The following MYO1D variants were observed in gnomAD, a reference collection of about 807,000 sequenced individuals.
MYO1D encodes myosin ID.
MYO1D carries 83 observed loss-of-function variants against 122.0 expected under a neutral mutation model. The ratio of observed to expected loss-of-function variants is 0.68; its 90% CI spans 0.57 to 0.82. The LOEUF is 0.82. MYO1D is among the 40% of genes least tolerant of loss of function. The pLI, the probability that MYO1D is intolerant of heterozygous loss-of-function variation, is 0.00. For missense variants in MYO1D, 1,157 were observed against 1,269.5 expected (o/e 0.91, Z 1.35); for synonymous variants, 464 against 446.9 (o/e 1.04, Z -0.48).
chr17:32,554,330 G>T (rs2087049350), intron 21 of MYO1D, among the ~76,000 whole-genome samples: 1 of 152,140 alleles, frequency 6.6e-6, no homozygotes, highest in African/African-American at 2.4e-5. Context: ...GCCATGGCCA[G>T]ATCCCTCTTG....
chr17:32,672,829 T>C (rs564875808), intron 16 of MYO1D, among the ~76,000 whole-genome samples: 3 of 152,116 alleles, frequency 2.0e-5, no homozygotes, highest in South Asian at 2.1e-4. Flanking sequence ...ATTGTGCTGA[T>C]TGTTAATAGG....
intron 21 of MYO1D, among the ~76,000 whole-genome samples, chr17:32,600,953 C>CTTTT (rs59778193): frequency 2.8e-5 from 4 of 141,644 alleles, no homozygotes; most frequent in Non-Finnish European, 4.6e-5. Flanking sequence ...TTTCTTTTCC[C>CTTTT]TTTTTTTTTT....
chr17:32,764,581 T>A (rs539009163), intron 8 of MYO1D, among the ~76,000 whole-genome samples: 6 of 152,128 alleles, frequency 3.9e-5, no homozygotes, highest in South Asian at 2.1e-4. Context: ...TTAAAAAAAA[T>A]GGATCAGAGC....
chr17:32,557,310 G>C (rs2150888016), intron 21 of MYO1D, among the ~76,000 whole-genome samples: 1 of 151,780 alleles, frequency 6.6e-6, no homozygotes, highest in Admixed American at 6.6e-5. Flanking sequence ...AGTAGAGATG[G>C]GGTTTCACCA....
At position 32,721,074 on chromosome 17, in the gene MYO1D, A is replaced by T; in HGVS notation, c.1862T>A (p.Val621Glu). ...GCGGAAGGCAAATCCTGCCCGACGC[A>T]CTCTCACATTTTCCAGTAGTCCAAG... The part of the protein sequence containing the change: ...EYLGLLENVR[V>E]RRAGFAFRQT... The change falls in exon 15 of 22, where the codon GTG becomes GAG. Residue 621 changes from valine to glutamate, a missense_variant. Physicochemically the swap from Val to Glu is moderately radical, Grantham distance 121. Transcript: ENST00000318217. 5 of 1,614,068 alleles carry T rather than the reference A, an allele frequency of 3.1e-6. No homozygotes were observed. The highest frequency in any genetic ancestry group is 4.2e-6 in the Non-Finnish European group (5 of 1,180,006).
intron 21 of MYO1D, among the ~76,000 whole-genome samples, chr17:32,539,286 C>T (rs1383515207): frequency 1.5e-5 from 2 of 130,630 alleles, no homozygotes; most frequent in African/African-American, 3.6e-5. Flanking sequence ...TACACACACA[C>T]ACACACACAC....
intron 20 of MYO1D, among the ~76,000 whole-genome samples, chr17:32,609,684 A>G (rs988991932): frequency 6.6e-6 from 1 of 152,200 alleles, no homozygotes; most frequent in Non-Finnish European, 1.5e-5. Flanking sequence ...ATATTTATAT[A>G]TTCTATAAAT....
chr17:32,503,578 C>A (rs1479956961), intron 21 of MYO1D, among the ~76,000 whole-genome samples: 1 of 152,166 alleles, frequency 6.6e-6, no homozygotes, highest in East Asian at 1.9e-4. Flanking sequence ...GAGGCTAATG[C>A]AATGTTCTCT....
intron 14 of MYO1D, among the ~76,000 whole-genome samples, chr17:32,728,750 T>TAA (rs1567613786): frequency 6.6e-6 from 1 of 152,156 alleles, no homozygotes; most frequent in Admixed American, 6.5e-5. Context: ...GAATAATGTA[T>TAA]AAAATCATGT....
chr17:32,568,178 C>T (rs73278214), intron 21 of MYO1D, among the ~76,000 whole-genome samples: 4,810 of 103,122 alleles, frequency 0.047, 262 homozygotes, highest in African/African-American at 0.17. Flanking sequence ...TATCTTTCTG[C>T]GTTATTACAA....
At chr17:32,871,485 G>C (rs966908127) in intron 1 of MYO1D, among the ~76,000 whole-genome samples, 3 of 152,224 alleles carry the variant, frequency 2.0e-5, no homozygotes, top group Admixed American at 6.5e-5. Flanking sequence ...CAGTGCTTCA[G>C]ATGATTGCTT....
At chr17:32,612,589 G>C (rs1328958104) in intron 20 of MYO1D, among the ~76,000 whole-genome samples, 2 of 150,888 alleles carry the variant, frequency 1.3e-5, no homozygotes, top group South Asian at 4.2e-4. Context: ...AGGAGGCTGA[G>C]GCAGGAGGAT....
intron 1 of MYO1D, among the ~76,000 whole-genome samples, chr17:32,838,739 A>G (rs2090850878): frequency 6.6e-6 from 1 of 152,116 alleles, no homozygotes; most frequent in Non-Finnish European, 1.5e-5. Context: ...CTATAAGAAA[A>G]TAAAAATAAT....
chr17:32,749,302 T>A (rs1375743173), intron 11 of MYO1D, among the ~76,000 whole-genome samples: 1 of 152,182 alleles, frequency 6.6e-6, no homozygotes, highest in Non-Finnish European at 1.5e-5. Context: ...AGTGAATGAT[T>A]CCCCTCTGTG....
intron 21 of MYO1D, among the ~76,000 whole-genome samples, chr17:32,512,055 C>T (rs1358197782): frequency 6.6e-6 from 1 of 152,106 alleles, no homozygotes; most frequent in Admixed American, 6.5e-5. Context: ...AATCCCAGCA[C>T]TTTGGGAGGC....
intron 21 of MYO1D, chr17:32,505,191 C>A (rs16967358): frequency 6.6e-6 from 1 of 152,336 alleles, no homozygotes; most frequent in Non-Finnish European, 1.5e-5. Flanking sequence ...CCAGAGCTTT[C>A]GAGGACCCTC....
At chr17:32,753,030 C>A (rs1022601535) in intron 11 of MYO1D, among the ~76,000 whole-genome samples, 1 of 151,944 alleles carries the variant, frequency 6.6e-6, no homozygotes, top group Non-Finnish European at 1.5e-5. Context: ...AAGTGTCTAT[C>A]GACAAATGAT....
At chr17:32,738,090 A>G (rs1225573652) in intron 14 of MYO1D, among the ~76,000 whole-genome samples, 163 bp downstream of exon 14, 1 of 152,222 alleles carries the variant, frequency 6.6e-6, no homozygotes, top group Non-Finnish European at 1.5e-5. Context: ...CTGAGGTGAG[A>G]TTTTTAAAAA....
intron 19 of MYO1D, among the ~76,000 whole-genome samples, chr17:32,646,544 G>A (rs1423568353): frequency 6.6e-6 from 1 of 151,872 alleles, no homozygotes; most frequent in Non-Finnish European, 1.5e-5. Flanking sequence ...ATGAGTGTAG[G>A]GCAAAAGAAT....
Sources: gnomAD v4.1 joint callset for allele counts (sites outside exome capture counted in the v4.1 genomes callset) on GRCh38, gnomAD v4.1.1 for gene constraint, MANE v1.5 for transcripts, NCBI Gene and HGNC (gene_info 2026-07-23, HGNC 2026-07-21) for gene names.